The following VTI1B variants were observed in gnomAD, a reference collection of about 807,000 sequenced individuals.
VTI1B encodes the protein vesicle transport through interaction with t-SNAREs 1B.
VTI1B carries 18 observed loss-of-function variants against 28.6 expected under a neutral mutation model. The ratio of observed to expected loss-of-function variants is 0.63; its 90% CI spans 0.43 to 0.93. The LOEUF is 0.93. Among genes scored for constraint, VTI1B ranks in the 40% least tolerant of loss-of-function variants. The pLI is 0.00. For missense variants in VTI1B, 283 were observed against 297.0 expected (o/e 0.95, Z 0.35); for synonymous variants, 100 against 107.9 (o/e 0.93, Z 0.46).
chr14:67,659,228 G>T (rs540635565), intron 3 of VTI1B, among the ~76,000 whole-genome samples: 1 of 152,278 alleles, frequency 6.6e-6, no homozygotes, highest in Admixed American at 6.5e-5. Flanking sequence ...CCCTGCATTG[G>T]CTACTGTATC....
intron 4 of VTI1B, among the ~76,000 whole-genome samples, chr14:67,653,864 A>G (rs1457651896): frequency 1.3e-5 from 2 of 152,356 alleles, no homozygotes; most frequent in East Asian, 1.9e-4. Flanking sequence ...ATTCCAGGAC[A>G]GCCTCTTGAG....
intron 1 of VTI1B, among the ~76,000 whole-genome samples, chr14:67,668,419 G>C (rs537929177): frequency 6.6e-6 from 1 of 152,210 alleles, no homozygotes; most frequent in African/African-American, 2.4e-5. Context: ...ATTGTCTCTA[G>C]TATCATTCAA....
intron 1 of VTI1B, among the ~76,000 whole-genome samples, chr14:67,669,883 T>C (rs918192151): frequency 2.0e-5 from 3 of 152,180 alleles, no homozygotes; most frequent in African/African-American, 7.2e-5. Flanking sequence ...GTGGATCACT[T>C]AAGCCCAGGA....
At chr14:67,670,632 G>T (rs760200461) in intron 1 of VTI1B, among the ~76,000 whole-genome samples, 7 of 151,400 alleles carry the variant, frequency 4.6e-5, no homozygotes, top group Non-Finnish European at 8.8e-5. Context: ...GGGTTTAATC[G>T]ATTCTCCTGC....
chr14:67,668,973 G>GTT (rs1384332144), intron 1 of VTI1B, among the ~76,000 whole-genome samples: 2 of 152,094 alleles, frequency 1.3e-5, no homozygotes, highest in African/African-American at 4.8e-5. Flanking sequence ...GGTAAGAATA[G>GTT]TTGTATACAG....
At chr14:67,671,285 G>T (rs2037462125) in intron 1 of VTI1B, among the ~76,000 whole-genome samples, 2 of 152,160 alleles carry the variant, frequency 1.3e-5, no homozygotes, top group Non-Finnish European at 2.9e-5. Context: ...TAGCACTTTG[G>T]GAGGCCGTGG....
intron 4 of VTI1B, among the ~76,000 whole-genome samples, chr14:67,656,177 C>T (rs1433852631): frequency 4.0e-5 from 6 of 150,318 alleles, no homozygotes; most frequent in South Asian, 2.1e-4. Context: ...ACCCAGGATG[C>T]GGAGGTTGCA....
chr14:67,672,282 C>T (rs2037473862), intron 1 of VTI1B, among the ~76,000 whole-genome samples: 2 of 151,846 alleles, frequency 1.3e-5, no homozygotes. Flanking sequence ...CCATGCCTGG[C>T]TAATTTTTTT....
In VTI1B at chr14:67,653,473, C is replaced by T. The variant is rs1594833740; in HGVS notation, c.566G>A (p.Ser189Asn). The part of the protein sequence containing the change: ...SRLVNTSENL[S>N]KSRKILRSMS... ...TGAACGGAGAATCTTCCGACTTTTG[C>T]TCAAGTTTTCACTTGTGTTTACCAG... The change falls in exon 5 of 6, where the codon AGC (serine) becomes AAC (asparagine). Residue 189 changes from serine to asparagine, a missense_variant. Physicochemically the swap from Ser to Asn is conservative, Grantham distance 46 (BLOSUM62 1). Coordinates refer to ENST00000554659, the MANE Select transcript of VTI1B (RefSeq NM_006370.3). 1 of 1,613,994 alleles carries T rather than the reference C, an allele frequency of 6.2e-7. No individual in the cohort carries two copies.
At chr14:67,669,424 C>G (rs1400155178) in intron 1 of VTI1B, among the ~76,000 whole-genome samples, 1 of 147,380 alleles carries the variant, frequency 6.8e-6, no homozygotes, top group African/African-American at 2.7e-5. Flanking sequence ...TGAGCAGCAC[C>G]ACACTACTCA....
intron 2 of VTI1B, 49 bp from the exon 3 acceptor site, chr14:67,659,971 C>T (rs1198504559): frequency 1.9e-6 from 3 of 1,563,410 alleles, no homozygotes; most frequent in Non-Finnish European, 2.6e-6. Flanking sequence ...TTCCCTCACT[C>T]ATTTGGAAAT....
chr14:67,650,640 C>T lies in VTI1B; in HGVS notation c.*745G>A. 1.4e-6 allele frequency: 2 copies of T among 1,383,716 alleles called. No homozygotes were observed. Among genetic ancestry groups the T allele is most frequent in the African/African-American group, 2.8e-5 (2 of 70,300 alleles). The allele number at this position is 1,383,716 out of a possible 1,614,324, so 85.7% of individuals were successfully genotyped here. A position where few individuals can be genotyped will look rare whatever the true frequency, so the allele number is the denominator to read the frequency against. On this transcript the variant is annotated 3_prime_UTR_variant, in exon 6 of 6. Coordinates refer to ENST00000554659, the MANE Select transcript of VTI1B (RefSeq NM_006370.3). ...TTGTTTTTACTTTGGCTTGTTCTCC[C>T]TGTCCCAGTGGGATGACCCTCACTG...
rs2037114859 is a variant in VTI1B, at chr14:67,647,452, G to C, written c.*3933C>G. On this transcript the variant is annotated 3_prime_UTR_variant, in exon 6 of 6. Coordinates refer to ENST00000554659, the MANE Select transcript of VTI1B (RefSeq NM_006370.3). The stretch of plus-strand genomic sequence containing the variant: ...TTCCCAATACCAAGTCTTTACTTCT[G>C]GGTGATTAATGTCAGAATTGTTATC... 1 of 159,686 alleles carries C rather than the reference G, an allele frequency of 6.3e-6. No individual in the cohort carries two copies. The highest frequency in any genetic ancestry group is 1.9e-4 in the South Asian group (1 of 5,172). 9.9% of individuals were successfully genotyped at this position (159,686 alleles called of 1,614,324 possible). A position where few individuals can be genotyped will look rare whatever the true frequency, so the allele number is the denominator to read the frequency against.
chr14:67,667,217 T>C (rs1446363994), intron 1 of VTI1B, among the ~76,000 whole-genome samples: 1 of 152,178 alleles, frequency 6.6e-6, no homozygotes, highest in African/African-American at 2.4e-5. Flanking sequence ...GTGGGCAGCC[T>C]CTCTTCCTTA....
intron 1 of VTI1B, among the ~76,000 whole-genome samples, chr14:67,673,905 C>G (rs1489818384): frequency 6.6e-6 from 1 of 152,194 alleles, no homozygotes; most frequent in African/African-American, 2.4e-5. Context: ...TAAAGGCCAG[C>G]TCTCTACCCT....
In VTI1B at chr14:67,659,762, T is replaced by C; in HGVS notation, c.335A>G (p.Tyr112Cys). 6.2e-7 allele frequency: 1 copy of C among 1,613,662 alleles called. No homozygotes were observed. The highest frequency in any genetic ancestry group is 8.5e-7 in the Non-Finnish European group (1 of 1,179,838). ...CTCATTCTCTACAGCATATATGCCA[T>C]ATTTCATGTCTCCTCGGCCTCCAGG... ...ATPGGRGDMK[Y>C]GIYAVENEHM... The change falls in exon 3 of 6, where the codon TAT becomes TGT. Residue 112 changes from tyrosine to cysteine, a missense_variant. Physicochemically the swap from Tyr to Cys is radical, Grantham distance 194. Coordinates refer to ENST00000554659, the MANE Select transcript of VTI1B (RefSeq NM_006370.3).
intron 1 of VTI1B, among the ~76,000 whole-genome samples, chr14:67,669,864 C>T (rs2140032164): frequency 6.6e-6 from 1 of 152,312 alleles, no homozygotes; most frequent in Middle Eastern, 3.4e-3. Flanking sequence ...CTTTAAGAGG[C>T]TGAGGTGGGT....
rs75878684 is a variant in VTI1B, at chr14:67,665,261, T to G, written c.116-2726A>C. 5.5e-3 allele frequency among the ~76,000 whole-genome samples: 466 copies of G among 84,418 alleles called. 16 individuals are homozygous for G. In the East Asian group the frequency reaches 0.17, roughly 31 times the overall value. The allele number at this position is 84,418 out of a possible 152,430, so 55.4% of individuals were successfully genotyped here. On this transcript the variant is annotated intron_variant, in intron 1 of 5. Transcript: ENST00000554659. ...ACAGCATCTAATGTCAGTTATATCT[T>G]TTTTTTTTTTTTTTTTTGAGACAGT... is the stretch of plus-strand genomic sequence containing the variant.
intron 1 of VTI1B, among the ~76,000 whole-genome samples, chr14:67,672,443 TTTTC>T (rs1174369318): frequency 7.1e-4 from 70 of 98,432 alleles, no homozygotes; most frequent in Admixed American, 3.9e-3. Flanking sequence ...TTTTCTTTTC[TTTTC>T]TTTTTTTTTT....
Sources: allele counts gnomAD v4.1 joint callset (sites outside exome capture counted in the v4.1 genomes callset), GRCh38; gene constraint gnomAD v4.1.1; transcripts MANE v1.5; gene names NCBI Gene and HGNC (gene_info 2026-07-23, HGNC 2026-07-21).